Variants in GRM6 observed in about 807,000 individuals in gnomAD.
GRM6 encodes glutamate metabotropic receptor 6.
In GRM6, 73 loss-of-function variants were observed where a neutral mutation model predicts 78.4. That is an observed-to-expected ratio of 0.93 (90% confidence interval 0.77 to 1.13). The LOEUF is 1.13. Among genes scored for constraint, GRM6 ranks in the 50% most tolerant of loss-of-function variants. The pLI, the probability that GRM6 is intolerant of heterozygous loss-of-function variation, is 0.00. For missense variants in GRM6, 1,251 were observed against 1,256.4 expected (o/e 1.00, Z 0.07); for synonymous variants, 580 against 555.0 (o/e 1.05, Z -0.63).
chr5:178,991,344 G>T lies in GRM6; in HGVS notation c.857+80C>A. ...GGGGAAAGGGAGGCAGGGAGAGTGT[G>T]TAAGGTGGCGATGTGCAAGAGGAGG... On this transcript the variant is annotated intron_variant, in intron 4 of 10. Transcript: ENST00000517717. The surrounding 1 kb of genome is among the most constrained non-coding windows in gnomAD (Gnocchi z 5.0). The T allele has an allele frequency of 7.6e-7, 1 of 1,311,130 alleles. No homozygotes were observed. The highest frequency in any genetic ancestry group is 1.1e-6 in the Non-Finnish European group (1 of 907,798). The allele number at this position is 1,311,130 out of a possible 1,614,324, so 81.2% of individuals were successfully genotyped here. A position where few individuals can be genotyped will look rare whatever the true frequency, so the allele number is the denominator to read the frequency against.
chr5:178,985,282 T>C lies in GRM6; in HGVS notation c.2124+848A>G, dbSNP rs140939090. 1,412 of 456,420 alleles carry C rather than the reference T, an allele frequency of 3.1e-3. 14 individuals are homozygous for C. The highest frequency in any genetic ancestry group is 0.025 in the African/African-American group (1,250 of 50,058). 28.3% of individuals were successfully genotyped at this position (456,420 alleles called of 1,614,324 possible). On this transcript the variant is annotated intron_variant, in intron 9 of 10. Coordinates refer to ENST00000517717, the MANE Select transcript of GRM6 (RefSeq NM_000843.4). ...ATAACTTCACTGTTGTACAGAAAGATCTCTGGAGGCCCACACTCCCCACCT... is the reference window on the plus strand; with the variant it reads ...ATAACTTCACTGTTGTACAGAAAGACCTCTGGAGGCCCACACTCCCCACCT...
In GRM6 at chr5:178,979,407, G is replaced by A. The variant is rs1039497141; in HGVS notation, c.*2250C>T. On this transcript the variant is annotated 3_prime_UTR_variant, in exon 11 of 11. Transcript: ENST00000517717. The stretch of plus-strand genomic sequence containing the variant: ...AAATATGACAACATCTTCAGTAACA[G>A]AGGATGTCCCCCTGTACCCAGAATG... The A allele has an allele frequency of 3.3e-5, 5 of 152,216 alleles. No homozygotes were observed. Among genetic ancestry groups the A allele is most frequent in the African/African-American group, 1.2e-4 (5 of 41,448 alleles). The allele number at this position is 152,216 out of a possible 1,614,324, so 9.4% of individuals were successfully genotyped here.
At chr5:178,985,232 G>A (rs1329172554) in intron 9 of GRM6, 1 of 455,946 alleles carries the variant, frequency 2.2e-6, no homozygotes, top group Non-Finnish European at 4.4e-6. Flanking sequence ...GAGCCAAATT[G>A]TAGAAGAGCA....
rs528843025 is a variant in GRM6, at chr5:178,986,114, G to A, written c.2124+16C>T. On this transcript the variant is annotated intron_variant, in intron 9 of 10. Coordinates refer to ENST00000517717, the MANE Select transcript of GRM6 (RefSeq NM_000843.4). ...TCCCCCTCCCTGCCCTGGCCCTTGGGAGCCTACGGACCCACCTGCAGGGAG... is the reference window on the plus strand; with the variant it reads ...TCCCCCTCCCTGCCCTGGCCCTTGGAAGCCTACGGACCCACCTGCAGGGAG... The A allele has an allele frequency of 8.3e-5, 133 of 1,610,664 alleles. No homozygotes were observed. In the South Asian group the frequency reaches 1.4e-3, roughly 17 times the overall value.
intron 9 of GRM6, chr5:178,985,314 C>T (rs1246138152): frequency 6.6e-6 from 3 of 454,518 alleles, no homozygotes; most frequent in Non-Finnish European, 8.9e-6. Context: ...ACCTGACTGC[C>T]CCGTTTTCCT....
chr5:178,993,169 G>A (rs763554071), intron 2 of GRM6, among the ~76,000 whole-genome samples: 2 of 152,208 alleles, frequency 1.3e-5, no homozygotes, highest in Non-Finnish European at 2.9e-5. Flanking sequence ...GTTTTGCACA[G>A]TTTTTATTAA....
chr5:178,990,720 G>A lies in GRM6; in HGVS notation c.884C>T (p.Ala295Val), dbSNP rs1204007377. 6.3e-7 allele frequency: 1 copy of A among 1,579,208 alleles called. No individual in the cohort carries two copies. Among genetic ancestry groups the A allele is most frequent in the Admixed American group, 1.8e-5 (1 of 55,264 alleles). The change falls in exon 5 of 11, where the codon GCC becomes GTC. Residue 295 changes from alanine (A) to valine (V), a missense_variant. Transcript: ENST00000517717. ...CCACAGGAAGTGGCCGGTCAGGTTG[G>A]CCTGGCGAGCTGCCTCCAGGACCCG... Reference protein sequence around the residue: ...IRRVLEAARQANLTGHFLWVG... With the variant: ...IRRVLEAARQVNLTGHFLWVG...
At position 178,986,257 on chromosome 5, in the gene GRM6, G is replaced by C; in HGVS notation, c.1997C>G (p.Ser666Cys). ...ACGGTTGGTCTTGGTGAGCAGGGCA[G>C]AGTAGCTGAGGGTCGTGCCCAGGCC... Reference protein sequence around the residue: ...FLGLGTTLSYSALLTKTNRIY... With the variant: ...FLGLGTTLSYCALLTKTNRIY... The change falls in exon 9 of 11, where the codon TCT becomes TGT. Residue 666 changes from serine to cysteine, a missense_variant. Coordinates refer to ENST00000517717, the MANE Select transcript of GRM6 (RefSeq NM_000843.4). 6.2e-7 allele frequency: 1 copy of C among 1,614,184 alleles called. No homozygotes were observed. The highest frequency in any genetic ancestry group is 8.5e-7 in the Non-Finnish European group (1 of 1,180,020).
rs999188542 is a variant in GRM6 at position 178,978,798 on chromosome 5, C to T, written c.*2859G>A. ...AGCTCTCACTCGACATAAGAGAAAC[C>T]ACACTGGAAGAATGCCTTATAAATT... On this transcript the variant is annotated 3_prime_UTR_variant, in exon 11 of 11. Coordinates refer to ENST00000517717, the MANE Select transcript of GRM6 (RefSeq NM_000843.4). 1.3e-5 allele frequency: 2 copies of T among 152,122 alleles called. No homozygotes were observed. Among genetic ancestry groups the T allele is most frequent in the African/African-American group, 4.8e-5 (2 of 41,414 alleles). The allele number at this position is 152,122 out of a possible 1,614,324, so 9.4% of individuals were successfully genotyped here. A position where few individuals can be genotyped will look rare whatever the true frequency, so the allele number is the denominator to read the frequency against.
rs281865185 is a variant in GRM6, at chr5:178,994,869, G to GGCCCGCCTGCGCCAGCCAC, written c.57_75dup (p.Leu26ValfsTer169). 1 of 1,206,710 alleles carries GGCCCGCCTGCGCCAGCCAC rather than the reference G, an allele frequency of 8.3e-7. No homozygotes were observed. The highest frequency in any genetic ancestry group is 1.6e-5 in the African/African-American group (1 of 62,086). The allele number at this position is 1,206,710 out of a possible 1,614,324, so 74.8% of individuals were successfully genotyped here. Reference sequence around the variant, plus strand: ...CGCACAGAGCCCGCCGCGCGCGCCAGGCCCGCCTGCGCCAGCCACGCCAGC... The same window carrying GGCCCGCCTGCGCCAGCCAC: ...CGCACAGAGCCCGCCGCGCGCGCCAGGCCCGCCTGCGCCAGCCACGCCCGCCTGCGCCAGCCACGCCAGC... On this transcript the variant is annotated frameshift_variant, in exon 2 of 11. Coordinates refer to ENST00000517717, the MANE Select transcript of GRM6 (RefSeq NM_000843.4). LOFTEE classifies it high-confidence loss of function.
chr5:178,982,692 TAA>T lies in GRM6; in HGVS notation c.2436+216_2436+217del, dbSNP rs11335877. Reference sequence around the variant, plus strand: ...ATATCTCTCAAAGAAATGAAAATGATAAAAAAAAAAAAGAAAAAAAGAAGAGT... The same window carrying T: ...ATATCTCTCAAAGAAATGAAAATGATAAAAAAAAAAGAAAAAAAGAAGAGT... On this transcript the variant is annotated intron_variant, in intron 10 of 10. Transcript: ENST00000517717. The T allele has an allele frequency of 4.5e-3, 1,952 of 430,492 alleles. 1 individual carries two copies. Among genetic ancestry groups the T allele is most frequent in the Non-Finnish European group, 6.0e-3 (1,448 of 240,926 alleles). 26.7% of individuals were successfully genotyped at this position (430,492 alleles called of 1,614,324 possible). A position where few individuals can be genotyped will look rare whatever the true frequency, so the allele number is the denominator to read the frequency against.
chr5:178,986,378 C>T lies in GRM6; in HGVS notation c.1876G>A (p.Val626Ile), dbSNP rs756767401. The change falls in exon 9 of 11, where the codon GTC becomes ATC. Residue 626 changes from valine (V) to isoleucine (I), a missense_variant. Val to Ile is a conservative substitution (Grantham distance 29). Coordinates refer to ENST00000517717, the MANE Select transcript of GRM6 (RefSeq NM_000843.4). ...ATGAGGAAGATGCCGGTGAGGAGGA[C>T]GTAGCTGAGCTCTCGGCCCGAGGCC... ...VRASGRELSY[V>I]LLTGIFLIYA... The T allele has an allele frequency of 9.9e-6, 16 of 1,614,050 alleles. No individual in the cohort carries two copies. Among genetic ancestry groups the T allele is most frequent in the Admixed American group, 3.3e-5 (2 of 60,030 alleles).
chr5:178,984,528 G>T (rs1760470554), intron 9 of GRM6, among the ~76,000 whole-genome samples: 2 of 152,192 alleles, frequency 1.3e-5, no homozygotes, highest in Admixed American at 1.3e-4. Context: ...GGAAAAGAGG[G>T]TACAGTGTGG....
rs773772010 is a variant in GRM6, at chr5:178,992,121, G to T, written c.505-38C>A. On this transcript the variant is annotated intron_variant, in intron 2 of 10. Coordinates refer to ENST00000517717, the MANE Select transcript of GRM6 (RefSeq NM_000843.4). This position sits in a 1 kb window ranked among gnomAD's most constrained non-coding sequence, Gnocchi z 4.9. The stretch of plus-strand genomic sequence containing the variant: ...AAGGACAGCTGGGCTGTGGATGGAG[G>T]TCAGTAACTCAAGAGAGGGAGGGTA... 6.9e-7 allele frequency: 1 copy of T among 1,453,314 alleles called. No homozygotes were observed. Among genetic ancestry groups the T allele is most frequent in the Non-Finnish European group, 9.6e-7 (1 of 1,037,204 alleles). 90.0% of individuals were successfully genotyped at this position (1,453,314 alleles called of 1,614,324 possible).
chr5:178,994,897 C>T lies in GRM6; in HGVS notation c.48G>A (p.Leu16=). 1 of 1,211,898 alleles carries T rather than the reference C, an allele frequency of 8.3e-7. No individual in the cohort carries two copies. The allele number at this position is 1,211,898 out of a possible 1,614,324, so 75.1% of individuals were successfully genotyped here. The change falls in exon 2 of 11, where the codon CTG becomes CTA. Residue 16 remains leucine (L), a synonymous_variant. Coordinates refer to ENST00000517717, the MANE Select transcript of GRM6 (RefSeq NM_000843.4). ...CCGCCTGCGCCAGCCACGCCAGCGGCAGCAGCGCCACGAGCAGCGGCTCCC... is the reference window on the plus strand; with the variant it reads ...CCGCCTGCGCCAGCCACGCCAGCGGTAGCAGCGCCACGAGCAGCGGCTCCC... ...RAREPLLVAL[L]PLAWLAQAGL...
chr5:178,987,041 G>C, intron 7 of GRM6, 58 bp from the exon 8 acceptor site: 2 of 1,560,606 alleles, frequency 1.3e-6, no homozygotes, highest in Non-Finnish European at 8.8e-7. Flanking sequence ...CTGGCCTCCT[G>C]GGGAGGCCCC....
In GRM6 at chr5:178,981,431, G is replaced by A; in HGVS notation, c.*226C>T. On this transcript the variant is annotated 3_prime_UTR_variant, in exon 11 of 11. Coordinates refer to ENST00000517717, the MANE Select transcript of GRM6 (RefSeq NM_000843.4). The surrounding 1 kb of genome is among the most constrained non-coding windows in gnomAD (Gnocchi z 5.1). ...TCTCGGTGGCTGTTTCCCACCATGG[G>A]AAGCGAGTCTGGTCTGTGGTGAGGA... 7.7e-6 allele frequency: 4 copies of A among 521,000 alleles called. No homozygotes were observed. The highest frequency in any genetic ancestry group is 2.6e-5 in the South Asian group (1 of 38,068). 32.3% of individuals were successfully genotyped at this position (521,000 alleles called of 1,614,324 possible). A position where few individuals can be genotyped will look rare whatever the true frequency, so the allele number is the denominator to read the frequency against.
rs1351871440 is a variant in GRM6 at position 178,988,962 on chromosome 5, G to A, written c.1327C>T (p.Gln443Ter). 7 of 1,613,572 alleles carry A rather than the reference G, an allele frequency of 4.3e-6. No homozygotes were observed. The highest frequency in any genetic ancestry group is 1.7e-5 in the Admixed American group (1 of 59,996). ...MEPTDGRMLL[Q>*]YIRAVRFNGS... The stretch of plus-strand genomic sequence containing the variant: ...TTGAAGCGGACAGCTCGAATGTACT[G>A]CAGAAGCATCCGCCCATCAGTGGGT... Residue 443 changes from glutamine to a stop codon, truncating the protein, a stop_gained, in exon 7 of 11, where the codon CAG becomes TAG. Coordinates refer to ENST00000517717, the MANE Select transcript of GRM6 (RefSeq NM_000843.4). LOFTEE classifies it high-confidence loss of function. This position sits in a 1 kb window ranked among gnomAD's most constrained non-coding sequence, Gnocchi z 6.0.
Position 178,978,918 on chromosome 5 carries a change from A to G in GRM6, c.*2739T>C, listed in dbSNP as rs1760336565. The G allele has an allele frequency of 6.6e-6, 1 of 152,124 alleles. No homozygotes were observed. Among genetic ancestry groups the G allele is most frequent in the African/African-American group, 2.4e-5 (1 of 41,420 alleles). 9.4% of individuals were successfully genotyped at this position (152,124 alleles called of 1,614,324 possible). A position where few individuals can be genotyped will look rare whatever the true frequency, so the allele number is the denominator to read the frequency against. ...ACCCATGCATGCAAAAAAACAGGAA[A>G]ATCTTTAGGGAGCTGTCAACCTCCA... On this transcript the variant is annotated 3_prime_UTR_variant, in exon 11 of 11. Coordinates refer to ENST00000517717, the MANE Select transcript of GRM6 (RefSeq NM_000843.4).
Sources: gnomAD v4.1 joint callset for allele counts (sites outside exome capture counted in the v4.1 genomes callset) on GRCh38, gnomAD v4.1.1 for gene constraint, Gnocchi (gnomAD v3.1) non-coding constraint, MANE v1.5 for transcripts, NCBI Gene and HGNC (gene_info 2026-07-23, HGNC 2026-07-21) for gene names.